DOCK1: variants seen among roughly 807,000 people sequenced by gnomAD.
The protein encoded by DOCK1 is dedicator of cytokinesis 1, also known as dedicator of cytokinesis protein 1.
In DOCK1, 138 loss-of-function variants were observed where a neutral mutation model predicts 262.7. The observed-to-expected ratio is 0.53, with a 90% CI of 0.46 to 0.61. The LOEUF (loss-of-function observed/expected upper bound fraction) is 0.61. DOCK1 is among the 20% of genes least tolerant of loss of function. The pLI is 0.00. For missense variants in DOCK1, 1,908 were observed against 2,370.7 expected, an observed-to-expected ratio of 0.80 and a Z score of 4.05; for synonymous variants, 866 against 867.4, an observed-to-expected ratio of 1.00 and a Z score of 0.03.
At chr10:126,919,825 C>G (rs2032992855) in intron 1 of DOCK1, among the ~76,000 whole-genome samples, 1 of 152,210 alleles carries the variant, frequency 6.6e-6, no homozygotes, top group African/African-American at 2.4e-5. Flanking sequence ...GTTGCTTTCT[C>G]TCTTCCCAGC....
intron 2 of DOCK1, among the ~76,000 whole-genome samples, chr10:126,975,144 G>A (rs934886682): frequency 6.6e-5 from 10 of 151,796 alleles, no homozygotes; most frequent in African/African-American, 2.2e-4. Context: ...ATTTTCCCTC[G>A]TGCTCCATTT....
intron 1 of DOCK1, among the ~76,000 whole-genome samples, chr10:126,967,975 G>A (rs916029298): frequency 5.9e-5 from 9 of 152,022 alleles, no homozygotes; most frequent in East Asian, 1.9e-4. Context: ...CACCACGCCC[G>A]GCTATTTTTC....
chr10:127,223,578 T>A (rs748607880), intron 27 of DOCK1, among the ~76,000 whole-genome samples: 1 of 152,228 alleles, frequency 6.6e-6, no homozygotes, highest in Non-Finnish European at 1.5e-5. Context: ...GTAAGTATAA[T>A]GCAAATATTC....
chr10:127,334,357 A>G (rs1413336797), intron 29 of DOCK1, among the ~76,000 whole-genome samples: 1 of 152,212 alleles, frequency 6.6e-6, no homozygotes, highest in Non-Finnish European at 1.5e-5. Flanking sequence ...TTTGTTGCTA[A>G]TGGGGTTAAA....
At chr10:127,401,634 G>A (rs2067230627) in intron 38 of DOCK1, among the ~76,000 whole-genome samples, 1 of 152,298 alleles carries the variant, frequency 6.6e-6, no homozygotes, top group South Asian at 2.1e-4. Flanking sequence ...ATCTTATCAG[G>A]AAGCTGCTGA....
At chr10:127,153,388 G>A (rs1346244307) in intron 27 of DOCK1, among the ~76,000 whole-genome samples, 5 of 152,262 alleles carry the variant, frequency 3.3e-5, no homozygotes, top group East Asian at 1.9e-4. Context: ...GATTCTGCCC[G>A]GAGACAGGCA....
At chr10:127,190,431 A>C (rs1478974573) in intron 27 of DOCK1, among the ~76,000 whole-genome samples, 1 of 152,134 alleles carries the variant, frequency 6.6e-6, no homozygotes, top group Non-Finnish European at 1.5e-5. Flanking sequence ...TAGCAAAATC[A>C]CTGGCTAGGT....
chr10:127,398,379 C>T (rs1435524856), intron 38 of DOCK1, among the ~76,000 whole-genome samples: 1 of 152,128 alleles, frequency 6.6e-6, no homozygotes, highest in Non-Finnish European at 1.5e-5. Context: ...TCATCCAGGC[C>T]CACCTCACCA....
chr10:127,066,237 T>C (rs1389766853), intron 23 of DOCK1, among the ~76,000 whole-genome samples: 1 of 151,818 alleles, frequency 6.6e-6, no homozygotes, highest in African/African-American at 2.4e-5. Context: ...CTGCGGTGTC[T>C]CCAGTCAGCC....
chr10:127,448,274 T>C (rs1319087274), intron 51 of DOCK1, among the ~76,000 whole-genome samples: 2 of 152,236 alleles, frequency 1.3e-5, no homozygotes, highest in Non-Finnish European at 2.9e-5. Context: ...GCAGCTGTTT[T>C]AGTCATTCAT....
intron 27 of DOCK1, among the ~76,000 whole-genome samples, chr10:127,146,888 C>T: frequency 6.6e-6 from 1 of 152,176 alleles, no homozygotes; most frequent in East Asian, 1.9e-4. Flanking sequence ...CTCCATTAGT[C>T]AGGAGGTGCC....
intron 25 of DOCK1, among the ~76,000 whole-genome samples, chr10:127,117,414 G>A (rs1942315086): frequency 6.6e-6 from 1 of 152,192 alleles, no homozygotes; most frequent in South Asian, 2.1e-4. Context: ...CACCATATGA[G>A]TAATGCATTC....
chr10:127,318,924 G>A (rs1216373822), intron 29 of DOCK1, among the ~76,000 whole-genome samples: 1 of 152,212 alleles, frequency 6.6e-6, no homozygotes, highest in African/African-American at 2.4e-5. Flanking sequence ...GTCTGGGAAA[G>A]GCTTTGGAGT....
chr10:127,096,285 C>T (rs2047905551), intron 23 of DOCK1, among the ~76,000 whole-genome samples: 1 of 152,136 alleles, frequency 6.6e-6, no homozygotes, highest in Non-Finnish European at 1.5e-5. Flanking sequence ...TTGATCAAGT[C>T]CGCAGAGTGG....
chr10:127,328,548 G>C (rs904956324), intron 29 of DOCK1, among the ~76,000 whole-genome samples: 7 of 152,218 alleles, frequency 4.6e-5, no homozygotes, highest in African/African-American at 1.7e-4. Flanking sequence ...GGTGATCAGA[G>C]GCTTGCCAGG....
At position 127,175,413 on chromosome 10, in the gene DOCK1, G is replaced by T; in HGVS notation, c.2847+47649G>T. The T allele has an allele frequency of 1.2e-5, 19 of 1,613,486 alleles. No individual in the cohort carries two copies. Among genetic ancestry groups the T allele is most frequent in the Non-Finnish European group, 1.5e-5 (18 of 1,180,028 alleles). On this transcript the variant is annotated intron_variant, in intron 27 of 51. Transcript: ENST00000623213. The surrounding 1 kb of genome is among the most constrained non-coding windows in gnomAD (Gnocchi z 6.3). ...ACTAGGCTGGTTCCCCAGCCCCGGC[G>T]GGGTGTGAGTCTGCGACGGCTGCTC...
At chr10:127,409,285 T>C in intron 41 of DOCK1, 28 bp from the exon 42 acceptor site, 1 of 1,613,820 alleles carries the variant, frequency 6.2e-7, no homozygotes, top group Non-Finnish European at 8.5e-7. Flanking sequence ...CTATGCTGCC[T>C]TAGTGATCCT....
intron 47 of DOCK1, among the ~76,000 whole-genome samples, chr10:127,432,441 A>T (rs1183805736): frequency 6.6e-6 from 1 of 151,816 alleles, no homozygotes; most frequent in Non-Finnish European, 1.5e-5. Context: ...CAGGGTGGGG[A>T]AGTCAACGCC....
intron 29 of DOCK1, among the ~76,000 whole-genome samples, chr10:127,319,908 G>T (rs555300537): frequency 1.3e-5 from 2 of 152,320 alleles, no homozygotes; most frequent in South Asian, 2.1e-4. Context: ...AGGGCAAGAC[G>T]CTGGCTAGCC....
Sources: gnomAD v4.1 joint callset for allele counts (sites outside exome capture counted in the v4.1 genomes callset) on GRCh38, gnomAD v4.1.1 for gene constraint, Gnocchi (gnomAD v3.1) non-coding constraint, MANE v1.5 for transcripts, NCBI Gene and HGNC (gene_info 2026-07-23, HGNC 2026-07-21) for gene names.